Variants in GRIA1 observed in about 807,000 individuals in gnomAD.
GRIA1 encodes glutamate receptor 1.
A neutral mutation model predicts 99.2 loss-of-function variants in GRIA1; 31 were observed. The ratio of observed to expected loss-of-function variants is 0.31; its 90% confidence interval spans 0.23 to 0.42. The LOEUF (loss-of-function observed/expected upper bound fraction) is 0.42, where lower values mean the gene tolerates loss of function less well. Ranked by LOEUF, GRIA1 falls within the 10% of genes least tolerant of loss-of-function variation. The pLI is 1.00. For missense variants in GRIA1, 782 were observed against 1,157.5 expected (o/e 0.68, Z 4.71); for synonymous variants, 438 against 432.4 (o/e 1.01, Z -0.16).
chr5:153,726,666 A>G (rs1760558484), intron 11 of GRIA1, among the ~76,000 whole-genome samples: 1 of 152,234 alleles, frequency 6.6e-6, no homozygotes. Context: ...CTCGACACAT[A>G]CACCCTCCCA....
intron 2 of GRIA1, among the ~76,000 whole-genome samples, chr5:153,530,464 TTTTC>T (rs891486379): frequency 1.3e-5 from 2 of 152,246 alleles, no homozygotes; most frequent in African/African-American, 4.8e-5. Context: ...TGGGTTCATC[TTTTC>T]TTTGTTTCCC....
chr5:153,525,773 C>T (rs1325877370), intron 2 of GRIA1, among the ~76,000 whole-genome samples: 4 of 152,174 alleles, frequency 2.6e-5, no homozygotes, highest in Non-Finnish European at 5.9e-5. Context: ...TCTCCTGATT[C>T]ACTATAAGAA....
intron 2 of GRIA1, among the ~76,000 whole-genome samples, chr5:153,578,148 C>CAAA (rs60901793): frequency 0.055 from 3,832 of 69,092 alleles, 213 homozygotes; most frequent in Non-Finnish European, 0.073. Context: ...GAGACTCTGT[C>CAAA]AAAAAAAAAA....
At chr5:153,633,529 T>TC (rs1753125532) in intron 2 of GRIA1, among the ~76,000 whole-genome samples, 1 of 152,208 alleles carries the variant, frequency 6.6e-6, no homozygotes. Flanking sequence ...GAGCTTTTGC[T>TC]AAAGTCTCAG....
intron 13 of GRIA1, among the ~76,000 whole-genome samples, chr5:153,780,975 A>G (rs969365849): frequency 4.6e-5 from 7 of 152,128 alleles, no homozygotes; most frequent in Non-Finnish European, 1.0e-4. Context: ...GTGTCTGAGA[A>G]GCCCAGTCTC....
At chr5:153,795,721 A>G (rs1765602390) in intron 14 of GRIA1, 2 of 568,594 alleles carry the variant, frequency 3.5e-6, no homozygotes, top group South Asian at 2.3e-5. Flanking sequence ...GATGTCCAAG[A>G]GTCCAGGCAG....
intron 2 of GRIA1, among the ~76,000 whole-genome samples, chr5:153,602,530 T>TAA (rs1765070853): frequency 7.0e-6 from 1 of 141,956 alleles, no homozygotes; most frequent in African/African-American, 2.6e-5. Flanking sequence ...TAAAGTATAA[T>TAA]AATAATAAAA....
intron 11 of GRIA1, among the ~76,000 whole-genome samples, chr5:153,760,024 T>C (rs371030810): frequency 5.5e-4 from 84 of 151,932 alleles, no homozygotes; most frequent in African/African-American, 1.8e-3. Context: ...CCTCAACAAA[T>C]TAACTATAGA....
intron 11 of GRIA1, among the ~76,000 whole-genome samples, chr5:153,706,423 G>A (rs1197776284): frequency 6.6e-6 from 1 of 152,286 alleles, no homozygotes; most frequent in African/African-American, 2.4e-5. Flanking sequence ...TCTGAGTCCT[G>A]TACATGCCTT....
chr5:153,782,132 T>C (rs1367215873), intron 13 of GRIA1, among the ~76,000 whole-genome samples: 1 of 152,240 alleles, frequency 6.6e-6, no homozygotes, highest in Non-Finnish European at 1.5e-5. Flanking sequence ...TAAATTCTCA[T>C]ATGCATTTCC....
rs1035405316 is a variant in GRIA1, at chr5:153,701,718, G to A, written c.1452+2645G>A. Among the ~76,000 whole-genome samples the A allele has an allele frequency of 4.9e-5, 7 of 141,430 alleles. No individual in the cohort carries two copies. The Admixed American group carries it at 5.2e-4, about 10-fold the overall frequency. The allele number at this position is 141,430 out of a possible 152,430, so 92.8% of individuals were successfully genotyped here. On this transcript the variant is annotated intron_variant, in intron 10 of 15. Coordinates refer to ENST00000285900, the MANE Select transcript of GRIA1 (RefSeq NM_000827.4). Reference sequence around the variant, plus strand: ...CTTTTTAGTTTGGCTTTCCTTTTCTGTTCCCTTGGGGAAGAACCAAGTGAT... The same window carrying A: ...CTTTTTAGTTTGGCTTTCCTTTTCTATTCCCTTGGGGAAGAACCAAGTGAT...
chr5:153,603,331 A>C (rs1765158840), intron 2 of GRIA1, among the ~76,000 whole-genome samples: 2 of 152,244 alleles, frequency 1.3e-5, no homozygotes, highest in South Asian at 4.1e-4. Context: ...ATTGTTGGAC[A>C]TTTGGGTTGG....
At chr5:153,641,919 G>T (rs1203188446) in intron 2 of GRIA1, among the ~76,000 whole-genome samples, 1 of 152,206 alleles carries the variant, frequency 6.6e-6, no homozygotes, top group Non-Finnish European at 1.5e-5. Flanking sequence ...AGTGGTTGGG[G>T]ATGGGCTGGT....
At chr5:153,606,414 C>T (rs1355457202) in intron 2 of GRIA1, among the ~76,000 whole-genome samples, 6 of 152,030 alleles carry the variant, frequency 3.9e-5, no homozygotes, top group Non-Finnish European at 7.4e-5. Context: ...AATTTTAGAA[C>T]CAGCATGTCA....
intron 2 of GRIA1, chr5:153,558,042 A>G (rs538262680): frequency 6.6e-6 from 1 of 152,298 alleles, no homozygotes; most frequent in South Asian, 2.1e-4. Flanking sequence ...TTATACTTTT[A>G]TATACAACCA....
At chr5:153,490,607 G>A, upstream of GRIA1, 1 of 501,532 alleles carries the variant, frequency 2.0e-6, no homozygotes, top group Non-Finnish European at 3.6e-6. Flanking sequence ...CGAGGGGAGA[G>A]GAGAGGGAGT....
At chr5:153,544,384 C>T (rs1185750763) in intron 2 of GRIA1, among the ~76,000 whole-genome samples, 1 of 152,174 alleles carries the variant, frequency 6.6e-6, no homozygotes, top group East Asian at 1.9e-4. Flanking sequence ...CATGATGACA[C>T]TAGGCAGGTC....
At chr5:153,737,003 G>A (rs953676401) in intron 11 of GRIA1, among the ~76,000 whole-genome samples, 2 of 152,086 alleles carry the variant, frequency 1.3e-5, no homozygotes, top group Admixed American at 6.6e-5. Flanking sequence ...GCTCTCTTTG[G>A]CCTAAACCCT....
chr5:153,585,863 T>C (rs1428304447), intron 2 of GRIA1, among the ~76,000 whole-genome samples: 3 of 152,182 alleles, frequency 2.0e-5, no homozygotes, highest in Non-Finnish European at 4.4e-5. Context: ...AGATAGTCAC[T>C]ATCTCTTAAC....
Sources: gnomAD v4.1 joint callset for allele counts (sites outside exome capture counted in the v4.1 genomes callset) on GRCh38, gnomAD v4.1.1 for gene constraint, MANE v1.5 for transcripts, NCBI Gene and HGNC (gene_info 2026-07-23, HGNC 2026-07-21) for gene names.